Variants in PNKP observed in about 807,000 individuals in gnomAD.
The protein encoded by PNKP is polynucleotide kinase 3'-phosphatase.
Under a neutral mutation model 66.2 loss-of-function variants are expected in PNKP, and 82 were observed. That is an observed-to-expected ratio of 1.24 (90% CI 1.04 to 1.49). The LOEUF is 1.49. PNKP is among the 40% of genes most tolerant of loss of function. PNKP has a pLI of 0.00. For missense variants in PNKP, 907 were observed against 706.8 expected, an observed-to-expected ratio of 1.28 and a Z score of -3.21; for synonymous variants, 412 against 298.9, an observed-to-expected ratio of 1.38 and a Z score of -3.90.
intron 8 of PNKP, 77 bp from the exon 9 acceptor site, chr19:49,862,815 G>T: frequency 6.8e-7 from 1 of 1,475,922 alleles, no homozygotes; most frequent in Non-Finnish European, 9.5e-7. Context: ...GGGCTGCTTC[G>T]CCTGGTCTGT....
In PNKP at chr19:49,861,817, CGTTTCCCTTGCTTCAG is replaced by C; in HGVS notation, c.1237_1252del (p.Leu413GlyfsTer49). The C allele has an allele frequency of 6.3e-7, 1 of 1,586,856 alleles. No homozygotes were observed. The highest frequency in any genetic ancestry group is 8.5e-7 in the Non-Finnish European group (1 of 1,169,764). On this transcript the variant is annotated frameshift_variant, in exon 14 of 17. Transcript: ENST00000322344. LOFTEE classifies it high-confidence loss of function. ...TGGGTTTGTGTTGTCGATGGCGACC[CGTTTCCCTTGCTTCAG>C]GGCTGTCTCACACGTGGTCACACAG...
intron 2 of PNKP, 91 bp from the exon 3 acceptor site, chr19:49,866,536 A>G (rs1175051825): frequency 4.1e-6 from 5 of 1,224,028 alleles, no homozygotes; most frequent in Non-Finnish European, 6.1e-6. Flanking sequence ...AGGCTATAGC[A>G]TCCAGGGAGT....
chr19:49,866,023 CTTTT>C (rs941051946), intron 3 of PNKP: 1 of 339,712 alleles, frequency 2.9e-6, no homozygotes, highest in Admixed American at 4.4e-5. Flanking sequence ...TTTTTCTTTT[CTTTT>C]TTTGAGACAG....
rs375257269 is a variant in PNKP, at chr19:49,865,313, C to T, written c.312G>A (p.Leu104=). The change falls in exon 4 of 17, where the codon CTG becomes CTA. Residue 104 remains leucine, a synonymous_variant. Coordinates refer to ENST00000322344, the MANE Select transcript of PNKP (RefSeq NM_007254.4). Reference sequence around the variant, plus strand: ...CTGGTGTGCGGGTCTCTTCCCAGCGCAGGGTCAGTGGGTGGAGGCCATTGA... The same window carrying T: ...CTGGTGTGCGGGTCTCTTCCCAGCGTAGGGTCAGTGGGTGGAGGCCATTGA... ...YLVNGLHPLT[L]RWEETRTPES... The T allele has an allele frequency of 4.2e-5, 67 of 1,614,090 alleles. No individual in the cohort carries two copies. Among genetic ancestry groups the T allele is most frequent in the African/African-American group, 6.7e-5 (5 of 74,944 alleles).
At chr19:49,863,660 A>G in intron 8 of PNKP, 29 bp downstream of exon 8, 1 of 1,529,774 alleles carries the variant, frequency 6.5e-7, no homozygotes. Context: ...GAGGAAAAGG[A>G]GGGGGGCCGG....
rs2074784418 is a variant in PNKP at position 49,862,552 on chromosome 19, A to G, written c.922T>C (p.Cys308Arg). ...APGRKKKDFS[C>R]ADRLFALNLG... ...AGGGGCCTCACCAGGCGATCGGCGCAGGAGAAGTCTTTCTTCTTCCGCCCC... is the reference window on the plus strand; with the variant it reads ...AGGGGCCTCACCAGGCGATCGGCGCGGGAGAAGTCTTTCTTCTTCCGCCCC... The change falls in exon 10 of 17, where the codon TGC becomes CGC. Residue 308 changes from cysteine to arginine, a missense_variant. Transcript: ENST00000322344. The G allele has an allele frequency of 1.2e-6, 2 of 1,611,550 alleles. No individual in the cohort carries two copies. Among genetic ancestry groups the G allele is most frequent in the African/African-American group, 2.7e-5 (2 of 74,858 alleles).
At position 49,863,713 on chromosome 19, in the gene PNKP, G is replaced by A. The variant is rs1188638021; in HGVS notation, c.792C>T (p.Gly264=). 4.5e-6 allele frequency: 7 copies of A among 1,556,872 alleles called. No homozygotes were observed. The Admixed American group carries it at 7.8e-5, about 17-fold the overall frequency. ...CCTGCTCCTGCAGATGGTCCCACAT[G>A]CCCGTCACCGGCTTCCGGTACAAGC... ...HAGLYRKPVT[G]MWDHLQEQAN... The change falls in exon 8 of 17, where the codon GGC becomes GGT. Residue 264 remains glycine, a synonymous_variant. Coordinates refer to ENST00000322344, the MANE Select transcript of PNKP (RefSeq NM_007254.4).
rs773641701 is a variant in PNKP, at chr19:49,864,190, C to T, written c.625G>A (p.Glu209Lys). 28 of 1,614,016 alleles carry T rather than the reference C, an allele frequency of 1.7e-5. No homozygotes were observed. The Admixed American group carries it at 2.0e-4, about 12-fold the overall frequency. Residue 209 changes from glutamate (E) to lysine (K), a missense_variant, in exon 6 of 17, where the codon GAG (glutamate) becomes AAG (lysine). By Grantham distance (56) the Glu-to-Lys change is moderately conservative. Transcript: ENST00000322344. ...IPRKLRELEAEGYKLVIFTNQ... is the reference protein window; with the variant it reads ...IPRKLRELEAKGYKLVIFTNQ... ...GCGGCTGCACATACCTTGTAGCCCT[C>T]GGCTTCCAGCTCTCGGAGCTTACGG...
In PNKP at chr19:49,864,148, C is replaced by T. The variant is rs751873804; in HGVS notation, c.636+31G>A. 14 of 1,612,482 alleles carry T rather than the reference C, an allele frequency of 8.7e-6. 1 individual carries two copies. Among genetic ancestry groups the T allele is most frequent in the African/African-American group, 5.3e-5 (4 of 74,902 alleles). On this transcript the variant is annotated intron_variant, in intron 6 of 16. Transcript: ENST00000322344. ...GACTGCGGTCGGACCGCCACGTGCACGTGCCCATGCAGACAGGCGGCTGCA... is the reference window on the plus strand; with the variant it reads ...GACTGCGGTCGGACCGCCACGTGCATGTGCCCATGCAGACAGGCGGCTGCA...
rs1258095629 is a variant in PNKP at position 49,861,788 on chromosome 19, C to CGTCTGGGTTTGT, written c.1270_1281dup (p.Thr424_Asp427dup). 16 of 1,565,774 alleles carry CGTCTGGGTTTGT rather than the reference C, an allele frequency of 1.0e-5. No individual in the cohort carries two copies. Among genetic ancestry groups the CGTCTGGGTTTGT allele is most frequent in the Non-Finnish European group, 1.3e-5 (15 of 1,159,240 alleles). ...TCACGCTACCTGGCGCGGCTCGCGG[C>CGTCTGGGTTTGT]GTCTGGGTTTGTGTTGTCGATGGCG... On this transcript the variant is annotated inframe_insertion, in exon 14 of 17. Coordinates refer to ENST00000322344, the MANE Select transcript of PNKP (RefSeq NM_007254.4).
At chr19:49,863,816 C>T (rs2074798285) in intron 7 of PNKP, 56 bp from the exon 8 acceptor site, 1 of 1,475,828 alleles carries the variant, frequency 6.8e-7, no homozygotes, top group Non-Finnish European at 9.3e-7. Context: ...CTACTGGATG[C>T]CACCCCAGCC....
In PNKP at chr19:49,861,211, GA is replaced by G. The variant is rs1555810564; in HGVS notation, c.*36del. ...GCAAAATGCCGGCCAAGCTCAAGGA[GA>G]AACAGCGTTTATTGTGGAGGGGAGC... On this transcript the variant is annotated 3_prime_UTR_variant, in exon 17 of 17. Coordinates refer to ENST00000322344, the MANE Select transcript of PNKP (RefSeq NM_007254.4). The G allele has an allele frequency of 2.1e-6, 3 of 1,415,092 alleles. No individual in the cohort carries two copies. Among genetic ancestry groups the G allele is most frequent in the Non-Finnish European group, 3.0e-6 (3 of 999,634 alleles). The allele number at this position is 1,415,092 out of a possible 1,614,324, so 87.7% of individuals were successfully genotyped here.
rs565267695 is a variant in PNKP, at chr19:49,866,779, G to C, written c.151+275C>G. On this transcript the variant is annotated intron_variant, in intron 2 of 16. Coordinates refer to ENST00000322344, the MANE Select transcript of PNKP (RefSeq NM_007254.4). ...TTCTCCACAGGATCATTTTTCTCTT[G>C]ACGAAGGTCGTCGCCTGTTTCTGGA... The C allele has an allele frequency of 4.6e-4, 271 of 595,070 alleles. 2 individuals carry two copies. The South Asian group carries it at 5.3e-3, about 12-fold the overall frequency. 36.9% of individuals were successfully genotyped at this position (595,070 alleles called of 1,614,324 possible). A position where few individuals can be genotyped will look rare whatever the true frequency, so the allele number is the denominator to read the frequency against.
rs776617733 is a variant in PNKP, at chr19:49,861,766, C to CGCTA, written c.1298+2_1298+5dup. On this transcript the variant is annotated splice_donor_region_variant and intron_variant, in intron 14 of 16. Transcript: ENST00000322344. ...CAGGCCACCTACGGCCCCGCGGTCA[C>CGCTA]GCTACCTGGCGCGGCTCGCGGCGTC... The CGCTA allele has an allele frequency of 2.0e-5, 31 of 1,565,880 alleles. No homozygotes were observed. The African/African-American group carries it at 2.6e-4, about 13-fold the overall frequency.
chr19:49,866,281 T>G, intron 3 of PNKP, 118 bp downstream of exon 3: 12 of 980,430 alleles, frequency 1.2e-5, no homozygotes, highest in East Asian at 2.4e-5. Context: ...ATTACAGGCT[T>G]GAGCCACCAC....
chr19:49,864,150 T>C, intron 6 of PNKP, 29 bp downstream of exon 6: 1 of 1,608,850 alleles, frequency 6.2e-7, no homozygotes, highest in East Asian at 2.2e-5. Context: ...CACGTGCACG[T>C]GCCCATGCAG....
chr19:49,861,771 C>T lies in PNKP; in HGVS notation c.1298+1G>A, dbSNP rs149614720. 1.3e-6 allele frequency: 2 copies of T among 1,569,728 alleles called. No individual in the cohort carries two copies. The highest frequency in any genetic ancestry group is 8.6e-7 in the Non-Finnish European group (1 of 1,158,382). Reference sequence around the variant, plus strand: ...CACCTACGGCCCCGCGGTCACGCTACCTGGCGCGGCTCGCGGCGTCTGGGT... The same window carrying T: ...CACCTACGGCCCCGCGGTCACGCTATCTGGCGCGGCTCGCGGCGTCTGGGT... On this transcript the variant is annotated splice_donor_variant, in intron 14 of 16. Coordinates refer to ENST00000322344, the MANE Select transcript of PNKP (RefSeq NM_007254.4). LOFTEE classifies it high-confidence loss of function.
chr19:49,864,439 T>C (rs765850622), intron 4 of PNKP, 36 bp from the exon 5 acceptor site: 2 of 1,495,260 alleles, frequency 1.3e-6, no homozygotes, highest in South Asian at 1.1e-5. Flanking sequence ...AGCAGCACTG[T>C]GATACCTCTG....
rs201465218 is a variant in PNKP, at chr19:49,861,608, C to G, written c.1386G>C (p.Arg462=). Residue 462 remains arginine, a splice_region_variant and synonymous_variant, in exon 15 of 17, where the codon CGG becomes CGC. Transcript: ENST00000322344. ...ATLEQARHNN[R]FREMTDSSHI... The stretch of plus-strand genomic sequence containing the variant: ...GGGTGTCCGGGCTGAGCGGGCTCAC[C>G]CGGTTGTTGTGGCGCGCCTGCTCCA... 6.4e-7 allele frequency: 1 copy of G among 1,558,492 alleles called. No individual in the cohort carries two copies. Among genetic ancestry groups the G allele is most frequent in the Admixed American group, 1.9e-5 (1 of 51,778 alleles).
Sources: allele counts gnomAD v4.1 joint callset, GRCh38; gene constraint gnomAD v4.1.1; transcripts MANE v1.5; gene names NCBI Gene and HGNC (gene_info 2026-07-23, HGNC 2026-07-21).